HMGCLL1: variants seen among roughly 807,000 people sequenced by gnomAD.
HMGCLL1 encodes the protein 3-hydroxymethyl-3-methylglutaryl-CoA lyase, cytoplasmic.
In HMGCLL1, 36 loss-of-function variants were observed where a neutral mutation model predicts 39.1. That is an observed-to-expected ratio of 0.92 (90% CI 0.71 to 1.22). HMGCLL1 has a LOEUF of 1.22. HMGCLL1 is among the 50% of genes most tolerant of loss of function. HMGCLL1 has a pLI of 0.00. For synonymous variants in HMGCLL1, 149 were observed against 144.0 expected (o/e 1.03, Z -0.25); for missense variants, 451 against 416.5 (o/e 1.08, Z -0.72).
At chr6:55,523,408 G>A (rs1443660855) in intron 3 of HMGCLL1, among the ~76,000 whole-genome samples, 1 of 152,000 alleles carries the variant, frequency 6.6e-6, no homozygotes, top group Non-Finnish European at 1.5e-5. Flanking sequence ...GAAACGGTGT[G>A]AGATGAGAAG....
At chr6:55,441,159 A>G (rs1442278400) in intron 7 of HMGCLL1, among the ~76,000 whole-genome samples, 1 of 152,116 alleles carries the variant, frequency 6.6e-6, no homozygotes, top group African/African-American at 2.4e-5. Context: ...GGTGGGGGTC[A>G]GTGGATTAAA....
At chr6:55,620,654 GACAC>G in the HMGCLL1 span, among the ~76,000 whole-genome samples, 311 of 149,524 alleles carry the variant, frequency 2.1e-3, 3 homozygotes, top group Middle Eastern at 6.8e-3. Flanking sequence ...CAGACACACA[GACAC>G]ACACACACAC....
chr6:55,539,918 GAAA>G (rs546685807), intron 3 of HMGCLL1, among the ~76,000 whole-genome samples: 46 of 126,172 alleles, frequency 3.6e-4, no homozygotes, highest in Non-Finnish European at 6.4e-4. Flanking sequence ...AAGAAAGAAA[GAAA>G]AGGAGGATGA....
At chr6:55,491,937 A>T (rs999071620) in intron 7 of HMGCLL1, among the ~76,000 whole-genome samples, 7 of 152,082 alleles carry the variant, frequency 4.6e-5, no homozygotes, top group Non-Finnish European at 8.8e-5. Context: ...ATAAAAAAAA[A>T]ATAAAACCCA....
intron 1 of HMGCLL1, among the ~76,000 whole-genome samples, chr6:55,551,695 A>T (rs535151160): frequency 2.0e-5 from 3 of 152,078 alleles, no homozygotes; most frequent in East Asian, 3.9e-4. Flanking sequence ...AACCAGAAAG[A>T]TGTTATGATT....
Position 55,579,059 on chromosome 6 carries a change from G to T in HMGCLL1, c.-4C>A. The T allele has an allele frequency of 6.3e-7, 1 of 1,599,614 alleles. No homozygotes were observed. Among genetic ancestry groups the T allele is most frequent in the Non-Finnish European group, 8.5e-7 (1 of 1,169,660 alleles). On this transcript the variant is annotated 5_prime_UTR_variant, in exon 1 of 9. Transcript: ENST00000274901. ...CCGCGGATGGCACATTCCCCATGGC[G>T]GAGCCTGGGGCGGCAGTCGGCGAGG...
At chr6:55,536,733 G>C (rs1011933169) in intron 3 of HMGCLL1, among the ~76,000 whole-genome samples, 1 of 152,068 alleles carries the variant, frequency 6.6e-6, no homozygotes, top group Admixed American at 6.5e-5. Flanking sequence ...AGCCATTCAG[G>C]TTATAGGTGT....
intron 5 of HMGCLL1, among the ~76,000 whole-genome samples, chr6:55,509,146 AG>A (rs1321682859): frequency 6.6e-6 from 1 of 151,906 alleles, no homozygotes; most frequent in East Asian, 1.9e-4. Context: ...TTATTTTTAG[AG>A]TTTTATGTCC....
At chr6:55,579,947 A>G (rs1262076266), upstream of HMGCLL1, among the ~76,000 whole-genome samples, 2 of 152,172 alleles carry the variant, frequency 1.3e-5, no homozygotes, top group African/African-American at 4.8e-5. Flanking sequence ...ACTTACGTGT[A>G]TTGTCACACC....
chr6:55,590,290 A>T, the HMGCLL1 span, among the ~76,000 whole-genome samples: 2 of 151,668 alleles, frequency 1.3e-5, no homozygotes, highest in Admixed American at 1.3e-4. Context: ...CTAATAAAAA[A>T]AAAATGGGGA....
the HMGCLL1 span, among the ~76,000 whole-genome samples, chr6:55,676,113 A>G: frequency 2.5e-3 from 377 of 152,238 alleles, 2 homozygotes; most frequent in African/African-American, 8.6e-3. Context: ...TATTTTTAGA[A>G]TTTCATCACT....
chr6:55,530,070 G>A (rs1768566400), intron 3 of HMGCLL1, among the ~76,000 whole-genome samples: 1 of 85,604 alleles, frequency 1.2e-5, no homozygotes, highest in African/African-American at 3.6e-5. Flanking sequence ...ATCTGGTGGG[G>A]GGTTGGGGGG....
At chr6:55,672,962 C>T in the HMGCLL1 span, among the ~76,000 whole-genome samples, 1 of 151,902 alleles carries the variant, frequency 6.6e-6, no homozygotes, top group Non-Finnish European at 1.5e-5. Flanking sequence ...TTCTAATTTT[C>T]CCATTTGACA....
At chr6:55,669,267 T>C in the HMGCLL1 span, among the ~76,000 whole-genome samples, 1 of 151,836 alleles carries the variant, frequency 6.6e-6, no homozygotes, top group South Asian at 2.1e-4. Context: ...GTGAATGATG[T>C]ACACATGAAA....
the HMGCLL1 span, among the ~76,000 whole-genome samples, chr6:55,658,804 G>C: frequency 6.6e-6 from 1 of 151,846 alleles, no homozygotes; most frequent in Non-Finnish European, 1.5e-5. Flanking sequence ...AGAGAGATTT[G>C]AACCAACAAC....
At chr6:55,602,462 C>A in the HMGCLL1 span, among the ~76,000 whole-genome samples, 1 of 151,896 alleles carries the variant, frequency 6.6e-6, no homozygotes, top group African/African-American at 2.4e-5. Context: ...TGATTAGACA[C>A]AAAATCAATA....
At chr6:55,617,149 A>T in the HMGCLL1 span, among the ~76,000 whole-genome samples, 3 of 152,038 alleles carry the variant, frequency 2.0e-5, no homozygotes, top group African/African-American at 4.8e-5. Flanking sequence ...CACAAAAAAA[A>T]CCCTAAAGTT....
At chr6:55,495,095 G>C (rs753036617) in intron 7 of HMGCLL1, among the ~76,000 whole-genome samples, 1 of 152,138 alleles carries the variant, frequency 6.6e-6, no homozygotes, top group Non-Finnish European at 1.5e-5. Context: ...AAATGCCATC[G>C]TATTTCAGTC....
the HMGCLL1 span, among the ~76,000 whole-genome samples, chr6:55,653,251 A>C: frequency 6.6e-6 from 1 of 152,078 alleles, no homozygotes; most frequent in Admixed American, 6.6e-5. Context: ...GTTCTTCCCC[A>C]GTATTTTTCT....
Sources: gnomAD v4.1 joint callset for allele counts (sites outside exome capture counted in the v4.1 genomes callset) on GRCh38, gnomAD v4.1.1 for gene constraint, MANE v1.5 for transcripts, NCBI Gene and HGNC (gene_info 2026-07-23, HGNC 2026-07-21) for gene names.